RIMBP2: variants seen among roughly 807,000 people sequenced by gnomAD.
RIMBP2 encodes RIMS-binding protein 2.
In RIMBP2, 48 loss-of-function variants were observed where a neutral mutation model predicts 118.6. The ratio of observed to expected loss-of-function variants is 0.40; its 90% confidence interval spans 0.32 to 0.51. The LOEUF (loss-of-function observed/expected upper bound fraction) is 0.51. Among genes scored for constraint, RIMBP2 ranks in the 20% least tolerant of loss-of-function variants. The pLI, the probability that RIMBP2 is intolerant of heterozygous loss-of-function variation, is 0.41. For synonymous variants in RIMBP2, 762 were observed against 742.9 expected, an observed-to-expected ratio of 1.03 and a Z score of -0.42; for missense variants, 1,551 against 1,768.3, an observed-to-expected ratio of 0.88 and a Z score of 2.20.
chr12:130,663,935 T>A (rs903012134), intron 1 of RIMBP2, among the ~76,000 whole-genome samples: 1 of 151,742 alleles, frequency 6.6e-6, no homozygotes, highest in Non-Finnish European at 1.5e-5. Context: ...GAATAAGCGC[T>A]GTCTTCACAC....
At position 130,517,681 on chromosome 12, in the gene RIMBP2, G is replaced by C. The variant is rs140087707; in HGVS notation, c.-127+147C>G. 2.7e-3 allele frequency: 435 copies of C among 160,682 alleles called. 1 individual carries two copies. Among genetic ancestry groups the C allele is most frequent in the African/African-American group, 0.01 (417 of 41,684 alleles). The allele number at this position is 160,682 out of a possible 1,614,324, so 10.0% of individuals were successfully genotyped here. ...GTGCCTCACGTGCTGGTCATGTGAA[G>C]AAGTGAGAGAGACCTGGCTCAGCCT... On this transcript the variant is annotated intron_variant, in intron 3 of 22. Transcript: ENST00000690449.
intron 4 of RIMBP2, among the ~76,000 whole-genome samples, chr12:130,501,806 T>G (rs912188385): frequency 6.6e-6 from 1 of 152,190 alleles, no homozygotes; most frequent in Non-Finnish European, 1.5e-5. Context: ...AGCTTGCCCT[T>G]GAATTCTTCC....
intron 1 of RIMBP2, among the ~76,000 whole-genome samples, chr12:130,682,406 G>A (rs1251335010): frequency 6.6e-6 from 1 of 152,228 alleles, no homozygotes; most frequent in African/African-American, 2.4e-5. Flanking sequence ...CTGCAAGGGG[G>A]AAATGAACGG....
chr12:130,523,325 G>A lies in RIMBP2; in HGVS notation c.-216-5408C>T, dbSNP rs189570757. The stretch of plus-strand genomic sequence containing the variant: ...GCGGCTCGCACCAGGAACCGAATCA[G>A]CCAGCACCTTGGTCTTAGACTTCCA... On this transcript the variant is annotated intron_variant, in intron 2 of 22. Coordinates refer to ENST00000690449, the MANE Select transcript of RIMBP2 (RefSeq NM_001393629.1). The surrounding 1 kb of genome is among the most constrained non-coding windows in gnomAD (Gnocchi z 4.4). Among the ~76,000 whole-genome samples the A allele has an allele frequency of 1.5e-3, 230 of 152,320 alleles. No homozygotes were observed. Among genetic ancestry groups the A allele is most frequent in the African/African-American group, 5.3e-3 (221 of 41,572 alleles).
chr12:130,406,221 C>G lies in RIMBP2; in HGVS notation c.3716G>C (p.Gly1239Ala), dbSNP rs144672832. The change falls in exon 21 of 23, where the codon GGA becomes GCA. Residue 1239 changes from glycine to alanine, a missense_variant. Around this residue, in one of 5 missense-constraint regions of RIMBP2, gnomAD observed 1,038 missense variants for 1,125.1 expected, o/e 0.92. Transcript: ENST00000690449. Reference sequence around the variant, plus strand: ...TTCACCAAAAACTGTAATAATATCTCCTGTGCAAAATGTAAGTTCGGCCTG... The same window carrying G: ...TTCACCAAAAACTGTAATAATATCTGCTGTGCAAAATGTAAGTTCGGCCTG... ...DVEAELTFCTGDIITVFGEID... is the reference protein window; with the variant it reads ...DVEAELTFCTADIITVFGEID... 1.2e-5 allele frequency: 19 copies of G among 1,604,544 alleles called. No homozygotes were observed. In the African/African-American group the frequency reaches 2.5e-4, roughly 21 times the overall value.
chr12:130,459,248 G>C (rs2895135), intron 6 of RIMBP2, among the ~76,000 whole-genome samples: 1 of 150,302 alleles, frequency 6.7e-6, no homozygotes, highest in Non-Finnish European at 1.5e-5. Context: ...TGGTGGTTAC[G>C]AGAATCTGTA....
At chr12:130,569,611 T>C (rs912759850) in intron 2 of RIMBP2, among the ~76,000 whole-genome samples, 6 of 152,242 alleles carry the variant, frequency 3.9e-5, no homozygotes, top group Admixed American at 6.5e-5. Context: ...GTTTATACCA[T>C]AGCCTTGGAG....
intron 2 of RIMBP2, among the ~76,000 whole-genome samples, chr12:130,598,816 A>C (rs991872084): frequency 1.3e-5 from 2 of 152,206 alleles, no homozygotes; most frequent in East Asian, 3.8e-4. Context: ...TCGGATAGAC[A>C]AATAGTCCAC....
chr12:130,603,387 G>A (rs911666729), intron 2 of RIMBP2, among the ~76,000 whole-genome samples: 8 of 152,140 alleles, frequency 5.3e-5, no homozygotes, highest in African/African-American at 1.9e-4. Context: ...GTGCTCGGAA[G>A]GCAGGTGTAA....
At position 130,469,191 on chromosome 12, in the gene RIMBP2, A is replaced by G. The variant is rs902945368; in HGVS notation, c.153+1502T>C. ...TGTTCTGCGCGAAGAGCAAAGCAAG[A>G]CAGTTACAGAAAGACGCCGTAAATA... is the stretch of plus-strand genomic sequence containing the variant. On this transcript the variant is annotated intron_variant, in intron 6 of 22. Coordinates refer to ENST00000690449, the MANE Select transcript of RIMBP2 (RefSeq NM_001393629.1). The surrounding 1 kb of genome is among the most constrained non-coding windows in gnomAD (Gnocchi z 4.8). The G allele has an allele frequency of 3.9e-5, 6 of 152,770 alleles. No individual in the cohort carries two copies. Among genetic ancestry groups the G allele is most frequent in the Non-Finnish European group, 7.3e-5 (5 of 68,040 alleles). 9.5% of individuals were successfully genotyped at this position (152,770 alleles called of 1,614,324 possible). A position where few individuals can be genotyped will look rare whatever the true frequency, so the allele number is the denominator to read the frequency against.
chr12:130,489,557 T>G (rs1232281118), intron 4 of RIMBP2, among the ~76,000 whole-genome samples: 2 of 152,076 alleles, frequency 1.3e-5, no homozygotes, highest in African/African-American at 4.8e-5. Context: ...CTGTAGAGGC[T>G]CCGTCTCCTG....
At chr12:130,577,666 G>T (rs1246145034) in intron 2 of RIMBP2, among the ~76,000 whole-genome samples, 1 of 152,000 alleles carries the variant, frequency 6.6e-6, no homozygotes, top group Non-Finnish European at 1.5e-5. Context: ...ATTTAGGCAG[G>T]GACACAAAGC....
At chr12:130,563,085 T>G (rs1241674004) in intron 2 of RIMBP2, among the ~76,000 whole-genome samples, 1 of 152,242 alleles carries the variant, frequency 6.6e-6, no homozygotes, top group Non-Finnish European at 1.5e-5. Context: ...ATAAAATGTA[T>G]CTGCTAAAAC....
At chr12:130,435,225 T>C (rs898698562) in intron 13 of RIMBP2, among the ~76,000 whole-genome samples, 1 of 152,098 alleles carries the variant, frequency 6.6e-6, no homozygotes, top group Non-Finnish European at 1.5e-5. Flanking sequence ...TTTGTATTTT[T>C]AGTAGAGACA....
intron 2 of RIMBP2, among the ~76,000 whole-genome samples, chr12:130,593,908 C>T (rs73456766): frequency 0.019 from 2,965 of 152,272 alleles, 108 homozygotes; most frequent in African/African-American, 0.069. Context: ...ATTTCAATAA[C>T]GGTTAATGTT....
intron 1 of RIMBP2, among the ~76,000 whole-genome samples, chr12:130,692,110 G>T (rs1212745406): frequency 6.6e-6 from 1 of 152,220 alleles, no homozygotes; most frequent in Non-Finnish European, 1.5e-5. Context: ...AGCTGAACTT[G>T]CTGGGAAGGG....
At position 130,423,531 on chromosome 12, in the gene RIMBP2, C is replaced by T. The variant is rs1247757598; in HGVS notation, c.3129+611G>A. On this transcript the variant is annotated intron_variant, in intron 16 of 22. Coordinates refer to ENST00000690449, the MANE Select transcript of RIMBP2 (RefSeq NM_001393629.1). ...GAAGCCTTCAATGAATCCCTATGCT[C>T]AAAACCAACAACAAGCCCAGACGGC... is the stretch of plus-strand genomic sequence containing the variant. Among the ~76,000 whole-genome samples, 10 of 151,810 alleles carry T rather than the reference C, an allele frequency of 6.6e-5. 1 individual carries two copies. The highest frequency in any genetic ancestry group is 2.2e-4 in the African/African-American group (9 of 41,386).
At chr12:130,626,556 G>A (rs944879660) in intron 2 of RIMBP2, among the ~76,000 whole-genome samples, 41 of 144,250 alleles carry the variant, frequency 2.8e-4, no homozygotes, top group African/African-American at 9.1e-4. Context: ...GACTACCGCC[G>A]GCATCACCAC....
rs1206849675 is a variant in RIMBP2, at chr12:130,419,451, AGACCGACT to A, written c.3238+2994_3238+3001del. The A allele has an allele frequency of 1.3e-5, 2 of 152,280 alleles. No individual in the cohort carries two copies. The highest frequency in any genetic ancestry group is 4.8e-5 in the African/African-American group (2 of 41,480). 9.4% of individuals were successfully genotyped at this position (152,280 alleles called of 1,614,324 possible). Reference sequence around the variant, plus strand: ...AGAGGTTTCCCTCACTACCTGGCCCAGACCGACTGCCCTCACTGCTACTGTCCGTTGTA... The same window carrying A: ...AGAGGTTTCCCTCACTACCTGGCCCAGCCCTCACTGCTACTGTCCGTTGTA... On this transcript the variant is annotated intron_variant, in intron 17 of 22. Coordinates refer to ENST00000690449, the MANE Select transcript of RIMBP2 (RefSeq NM_001393629.1). The surrounding 1 kb of genome is among the most constrained non-coding windows in gnomAD (Gnocchi z 4.3).
Sources: allele counts gnomAD v4.1 joint callset (sites outside exome capture counted in the v4.1 genomes callset), GRCh38; gene constraint gnomAD v4.1.1; regional missense constraint gnomAD v4.1.1; non-coding constraint Gnocchi (gnomAD v3.1); transcripts MANE v1.5; gene names NCBI Gene and HGNC (gene_info 2026-07-23, HGNC 2026-07-21).